Variants in CLNK observed in about 807,000 individuals in gnomAD.
CLNK encodes the protein cytokine dependent hematopoietic cell linker, also known as cytokine-dependent hematopoietic cell linker.
In CLNK, 74 loss-of-function variants were observed where a neutral mutation model predicts 68.6. The ratio of observed to expected loss-of-function variants is 1.08; its 90% confidence interval spans 0.89 to 1.31. The LOEUF is 1.31. CLNK is among the 50% of genes most tolerant of loss of function. CLNK has a pLI of 0.00. For synonymous variants in CLNK, 198 were observed against 172.2 expected (o/e 1.15, Z -1.17); for missense variants, 553 against 515.3 (o/e 1.07, Z -0.71).
chr4:10,620,069 C>T (rs1331349084), intron 2 of CLNK, among the ~76,000 whole-genome samples: 3 of 152,140 alleles, frequency 2.0e-5, no homozygotes, highest in Non-Finnish European at 2.9e-5. Context: ...CTGCTCTTCA[C>T]GGCCAAGTGA....
intron 1 of CLNK, among the ~76,000 whole-genome samples, chr4:10,675,382 G>T (rs776943067): frequency 4.6e-5 from 7 of 152,148 alleles, no homozygotes; most frequent in Non-Finnish European, 7.3e-5. Flanking sequence ...GGATTTTCAC[G>T]TGTCTTAATT....
chr4:10,511,167 A>AT (rs556576031), intron 16 of CLNK, among the ~76,000 whole-genome samples: 1,689 of 150,266 alleles, frequency 0.011, 63 homozygotes, highest in South Asian at 0.096. Context: ...CTCAAAAAAA[A>AT]TTAAAAAAAA....
chr4:10,580,441 C>T (rs1225532261), intron 4 of CLNK, among the ~76,000 whole-genome samples: 4 of 152,146 alleles, frequency 2.6e-5, no homozygotes, highest in Non-Finnish European at 5.9e-5. Context: ...CAGGCAGGCC[C>T]TTTCGGAGGG....
upstream of CLNK, among the ~76,000 whole-genome samples, chr4:10,685,255 T>C (rs188952506): frequency 3.4e-4 from 52 of 152,304 alleles, no homozygotes; most frequent in East Asian, 9.4e-3. Flanking sequence ...TCTTGGGCAC[T>C]TTGAAGTTTA....
At chr4:10,699,490 C>CTATATATATA in the CLNK span, among the ~76,000 whole-genome samples, 2 of 52,190 alleles carry the variant, frequency 3.8e-5, no homozygotes, top group Admixed American at 2.3e-4. Context: ...CTCTCTCTCT[C>CTATATATATA]TCTCTATATA....
At position 10,490,427 on chromosome 4, in the gene CLNK, G is replaced by A; in HGVS notation, c.*40C>T. On this transcript the variant is annotated 3_prime_UTR_variant, in exon 19 of 19. Transcript: ENST00000226951. Reference sequence around the variant, plus strand: ...TTTGAAATCAATGAAAACAATGGAAGCGCTGAATCCAGTAAACCAAAGATA... The same window carrying A: ...TTTGAAATCAATGAAAACAATGGAAACGCTGAATCCAGTAAACCAAAGATA... The A allele has an allele frequency of 1.3e-6, 2 of 1,594,714 alleles. No individual in the cohort carries two copies. The highest frequency in any genetic ancestry group is 1.2e-5 in the South Asian group (1 of 86,714).
chr4:10,711,322 T>C, the CLNK span, among the ~76,000 whole-genome samples: 1 of 152,178 alleles, frequency 6.6e-6, no homozygotes, highest in Non-Finnish European at 1.5e-5. Context: ...TCAATTTCCC[T>C]TTGCAAAAAC....
chr4:10,713,432 G>A, the CLNK span, among the ~76,000 whole-genome samples: 49,162 of 151,996 alleles, frequency 0.32, 8,369 homozygotes, highest in African/African-American at 0.41. Context: ...AGGAGGAAGG[G>A]GGAACAACCT....
At chr4:10,734,416 C>T in the CLNK span, among the ~76,000 whole-genome samples, 2 of 152,212 alleles carry the variant, frequency 1.3e-5, no homozygotes, top group African/African-American at 4.8e-5. Flanking sequence ...GAATCTTTCC[C>T]TCTTCTTTAT....
At chr4:10,548,086 C>T (rs1719306786) in intron 8 of CLNK, among the ~76,000 whole-genome samples, 1 of 152,130 alleles carries the variant, frequency 6.6e-6, no homozygotes, top group South Asian at 2.1e-4. Context: ...AATGGCTGTA[C>T]CAATTTACAT....
At chr4:10,637,639 G>GGCT (rs1723145734) in intron 2 of CLNK, among the ~76,000 whole-genome samples, 1 of 137,298 alleles carries the variant, frequency 7.3e-6, no homozygotes, top group Non-Finnish European at 1.5e-5. Flanking sequence ...CTCTTGCCGA[G>GGCT]GCTGGAGTGT....
intron 2 of CLNK, among the ~76,000 whole-genome samples, chr4:10,609,771 T>C (rs953064379): frequency 7.2e-5 from 11 of 152,198 alleles, no homozygotes; most frequent in Non-Finnish European, 1.3e-4. Context: ...GCCAGAGTTG[T>C]AGTCTCAAAG....
intron 2 of CLNK, among the ~76,000 whole-genome samples, chr4:10,651,688 T>C (rs1003578105): frequency 6.6e-6 from 1 of 152,146 alleles, no homozygotes; most frequent in Non-Finnish European, 1.5e-5. Flanking sequence ...GTTTGAAACA[T>C]TAATAATAAA....
intron 2 of CLNK, among the ~76,000 whole-genome samples, chr4:10,626,817 G>T (rs116204746): frequency 6.6e-6 from 1 of 152,140 alleles, no homozygotes; most frequent in South Asian, 2.1e-4. Context: ...TGTCTGACAT[G>T]GAGTGTCATG....
At chr4:10,573,414 G>A (rs986034565) in intron 4 of CLNK, among the ~76,000 whole-genome samples, 2 of 152,116 alleles carry the variant, frequency 1.3e-5, no homozygotes. Context: ...CCTTGGGGTT[G>A]GATAGCAGCT....
the CLNK span, among the ~76,000 whole-genome samples, chr4:10,711,721 G>A: frequency 1.2e-4 from 19 of 152,196 alleles, no homozygotes; most frequent in African/African-American, 4.6e-4. Flanking sequence ...ACTTGACTTT[G>A]CCAATAAACT....
intron 2 of CLNK, among the ~76,000 whole-genome samples, chr4:10,618,512 T>C (rs117508049): frequency 0.012 from 1,752 of 152,308 alleles, 85 homozygotes; most frequent in Admixed American, 0.079. Context: ...AATGGGTGAA[T>C]TATATGACAT....
At chr4:10,599,213 C>T (rs926823834) in intron 2 of CLNK, among the ~76,000 whole-genome samples, 3 of 152,166 alleles carry the variant, frequency 2.0e-5, no homozygotes, top group Non-Finnish European at 2.9e-5. Flanking sequence ...AATGCCTGGT[C>T]CACCGAGGAG....
chr4:10,564,630 C>A (rs780300564), intron 7 of CLNK, 41 bp downstream of exon 7: 5 of 1,358,904 alleles, frequency 3.7e-6, no homozygotes, highest in Non-Finnish European at 5.3e-6. Context: ...TTAGGAAGAG[C>A]CCTACACATG....
Sources: gnomAD v4.1 joint callset for allele counts (sites outside exome capture counted in the v4.1 genomes callset) on GRCh38, gnomAD v4.1.1 for gene constraint, MANE v1.5 for transcripts, NCBI Gene and HGNC (gene_info 2026-07-23, HGNC 2026-07-21) for gene names.